Variants in TRPC7 observed in about 807,000 individuals in gnomAD.
The protein encoded by TRPC7 is transient receptor potential cation channel subfamily C member 7, also known as short transient receptor potential channel 7.
TRPC7 carries 42 observed loss-of-function variants against 90.1 expected under a neutral mutation model. The ratio of observed to expected loss-of-function variants is 0.47; its 90% confidence interval spans 0.36 to 0.60. The LOEUF (loss-of-function observed/expected upper bound fraction) is 0.60, where lower values mean the gene tolerates loss of function less well. Among genes scored for constraint, TRPC7 ranks in the 20% least tolerant of loss-of-function variants. The pLI is 0.00. For synonymous variants in TRPC7, 451 were observed against 436.3 expected (o/e 1.03, Z -0.42); for missense variants, 955 against 1,112.3 (o/e 0.86, Z 2.01).
At chr5:136,305,526 G>A (rs577699036) in intron 3 of TRPC7, among the ~76,000 whole-genome samples, 2 of 152,088 alleles carry the variant, frequency 1.3e-5, no homozygotes, top group South Asian at 2.1e-4. Context: ...ACCCAGGACT[G>A]GCAAATTAGC....
In TRPC7 at chr5:136,293,462, G is replaced by A. The variant is rs182087980; in HGVS notation, c.964-18625C>T. On this transcript the variant is annotated intron_variant, in intron 3 of 11. Coordinates refer to ENST00000513104, the MANE Select transcript of TRPC7 (RefSeq NM_020389.3). Reference sequence around the variant, plus strand: ...CAAAGTCTCAGGATACAAAATCAATGTGCAAAAATCACAAGCATTCTTATA... The same window carrying A: ...CAAAGTCTCAGGATACAAAATCAATATGCAAAAATCACAAGCATTCTTATA... 1.1e-4 allele frequency among the ~76,000 whole-genome samples: 16 copies of A among 152,274 alleles called. No homozygotes were observed. The East Asian group carries it at 3.1e-3, about 29-fold the overall frequency.
Position 136,247,490 on chromosome 5 carries a change from A to G in TRPC7, c.1825T>C (p.Tyr609His), listed in dbSNP as rs749812539. Residue 609 changes from tyrosine to histidine, a missense_variant, in exon 7 of 12, where the codon TAC (tyrosine) becomes CAC (histidine). By Grantham distance (83) the Tyr-to-His change is moderately conservative. Coordinates refer to ENST00000513104, the MANE Select transcript of TRPC7 (RefSeq NM_020389.3). The surrounding 1 kb of genome is among the most constrained non-coding windows in gnomAD (Gnocchi z 4.2). ...NLYSYYRGAK[Y>H]NPAFTTVEES... Reference sequence around the variant, plus strand: ...ACTCACGTTGTAAACGCTGGGTTGTATTTGGCACCTCGGTAGTAAGAGTAC... The same window carrying G: ...ACTCACGTTGTAAACGCTGGGTTGTGTTTGGCACCTCGGTAGTAAGAGTAC... 12 of 1,613,204 alleles carry G rather than the reference A, an allele frequency of 7.4e-6. No individual in the cohort carries two copies. The highest frequency in any genetic ancestry group is 1.7e-5 in the Admixed American group (1 of 59,978).
intron 5 of TRPC7, among the ~76,000 whole-genome samples, chr5:136,256,758 C>T (rs1262160359): frequency 1.3e-5 from 2 of 152,214 alleles, no homozygotes; most frequent in Non-Finnish European, 2.9e-5. Context: ...GTCTAGACTC[C>T]AAAGCTAGGC....
chr5:136,335,883 G>A lies in TRPC7; in HGVS notation c.781-20104C>T, dbSNP rs564009573. Among the ~76,000 whole-genome samples the A allele has an allele frequency of 2.3e-5, 3 of 132,164 alleles. No individual in the cohort carries two copies. The South Asian group carries it at 7.8e-4, about 35-fold the overall frequency. The allele number at this position is 132,164 out of a possible 152,430, so 86.7% of individuals were successfully genotyped here. On this transcript the variant is annotated intron_variant, in intron 2 of 11. Coordinates refer to ENST00000513104, the MANE Select transcript of TRPC7 (RefSeq NM_020389.3). ...CACGCCACTGCACTCCAGCCTGGGCGACAGAGCGAGACTCCGTCTCAAAAA... is the reference window on the plus strand; with the variant it reads ...CACGCCACTGCACTCCAGCCTGGGCAACAGAGCGAGACTCCGTCTCAAAAA...
intron 2 of TRPC7, among the ~76,000 whole-genome samples, chr5:136,354,162 G>A (rs977994389): frequency 1.1e-4 from 17 of 152,188 alleles, no homozygotes; most frequent in African/African-American, 3.9e-4. Context: ...CACGGCCAAT[G>A]CAGAATAGGT....
At chr5:136,350,414 C>T (rs1760154006) in intron 2 of TRPC7, among the ~76,000 whole-genome samples, 1 of 152,322 alleles carries the variant, frequency 6.6e-6, no homozygotes, top group Non-Finnish European at 1.5e-5. Context: ...AGCATACAGT[C>T]TCCCTGTACC....
intron 10 of TRPC7, among the ~76,000 whole-genome samples, chr5:136,217,528 G>A (rs974201113): frequency 6.6e-6 from 1 of 152,094 alleles, no homozygotes; most frequent in East Asian, 1.9e-4. Flanking sequence ...CTCAGCCCTC[G>A]GGCTCATGGG....
chr5:136,270,150 T>A (rs12515257), intron 4 of TRPC7, among the ~76,000 whole-genome samples: 4 of 152,318 alleles, frequency 2.6e-5, no homozygotes, highest in Admixed American at 2.6e-4. Flanking sequence ...GTAATGGTGC[T>A]CGTGTAACTA....
intron 2 of TRPC7, among the ~76,000 whole-genome samples, chr5:136,322,785 G>A (rs932892851): frequency 2.0e-5 from 3 of 152,046 alleles, no homozygotes; most frequent in African/African-American, 7.2e-5. Context: ...TATCTTCTTT[G>A]ATAAAGTTTA....
chr5:136,342,790 C>T (rs1759884314), intron 2 of TRPC7, among the ~76,000 whole-genome samples: 1 of 152,172 alleles, frequency 6.6e-6, no homozygotes, highest in East Asian at 1.9e-4. Flanking sequence ...AGCCTTGTAA[C>T]AATTGTTTGA....
rs199611331 is a variant in TRPC7 at position 136,225,338 on chromosome 5, G to A, written c.2279C>T (p.Ala760Val). Residue 760 changes from alanine to valine, a missense_variant, in exon 10 of 12, where the codon GCT becomes GTT. Around this residue, in one of 4 missense-constraint regions of TRPC7, gnomAD observed 296 missense variants for 422.7 expected, o/e 0.70. Coordinates refer to ENST00000513104, the MANE Select transcript of TRPC7 (RefSeq NM_020389.3). ...NSKFKKTRYQ[A>V]GMRNSENLTA... ...CAGATTTTCAGAATTCCTCATGCCAGCCTGGTAGCGAGTCTTCTGGATAAA... is the reference window on the plus strand; with the variant it reads ...CAGATTTTCAGAATTCCTCATGCCAACCTGGTAGCGAGTCTTCTGGATAAA... 3.2e-5 allele frequency: 52 copies of A among 1,612,798 alleles called. No individual in the cohort carries two copies. The African/African-American group carries it at 5.9e-4, about 18-fold the overall frequency.
At chr5:136,330,980 A>AG (rs1207854064) in intron 2 of TRPC7, among the ~76,000 whole-genome samples, 1 of 152,024 alleles carries the variant, frequency 6.6e-6, no homozygotes, top group Non-Finnish European at 1.5e-5. Flanking sequence ...GGGTAAGCAG[A>AG]GGGTTTATGG....
At chr5:136,216,673 T>C (rs1755280652) in intron 10 of TRPC7, among the ~76,000 whole-genome samples, 1 of 152,208 alleles carries the variant, frequency 6.6e-6, no homozygotes, top group South Asian at 2.1e-4. Context: ...GATGGAGGGC[T>C]GGGGAAGACT....
chr5:136,296,667 A>C (rs1758185058), intron 3 of TRPC7, among the ~76,000 whole-genome samples: 3 of 152,252 alleles, frequency 2.0e-5, no homozygotes, highest in African/African-American at 7.2e-5. Flanking sequence ...TATGTACGTA[A>C]ATACATGTCT....
chr5:136,355,893 T>C (rs2546659), intron 2 of TRPC7, among the ~76,000 whole-genome samples: 1 of 152,064 alleles, frequency 6.6e-6, no homozygotes, highest in African/African-American at 2.4e-5. Flanking sequence ...GTGGAATGTC[T>C]GTTGACAATA....
Position 136,257,474 on chromosome 5 carries a change from T to G in TRPC7, c.1346-5592A>C, listed in dbSNP as rs115927511. Among the ~76,000 whole-genome samples the G allele has an allele frequency of 2.2e-3, 342 of 152,218 alleles. 2 individuals are homozygous for G. The highest frequency in any genetic ancestry group is 7.4e-3 in the African/African-American group (308 of 41,546). On this transcript the variant is annotated intron_variant, in intron 5 of 11. Coordinates refer to ENST00000513104, the MANE Select transcript of TRPC7 (RefSeq NM_020389.3). ...GGGATTGCAGGCATGAGCCACCACT[T>G]CCGGCCTGAAATGTTTTCCTAAGGA...
chr5:136,251,588 A>G (rs1580863865), intron 6 of TRPC7, 61 bp downstream of exon 6: 3 of 1,327,336 alleles, frequency 2.3e-6, no homozygotes, highest in Non-Finnish European at 3.1e-6. Flanking sequence ...GCCACAGTGA[A>G]GCACCAGGCC....
At chr5:136,362,218 A>G (rs1403877956) in intron 1 of TRPC7, among the ~76,000 whole-genome samples, 3 of 152,146 alleles carry the variant, frequency 2.0e-5, no homozygotes, top group Non-Finnish European at 4.4e-5. Context: ...AAGGTTAGCT[A>G]TTTTCCTGAA....
chr5:136,341,924 G>A (rs186785698), intron 2 of TRPC7, among the ~76,000 whole-genome samples: 219 of 152,226 alleles, frequency 1.4e-3, no homozygotes, highest in Middle Eastern at 3.4e-3. Context: ...TGCTGAAGTC[G>A]TTTTAAGAAC....
Sources: gnomAD v4.1 joint callset for allele counts (sites outside exome capture counted in the v4.1 genomes callset) on GRCh38, gnomAD v4.1.1 for gene constraint, gnomAD v4.1.1 regional missense constraint, Gnocchi (gnomAD v3.1) non-coding constraint, MANE v1.5 for transcripts, NCBI Gene and HGNC (gene_info 2026-07-23, HGNC 2026-07-21) for gene names.